The following UGP2 variants were observed in gnomAD, a reference collection of about 807,000 sequenced individuals.
The protein encoded by UGP2 is UTP--glucose-1-phosphate uridylyltransferase.
UGP2 carries 40 observed loss-of-function variants against 49.0 expected under a neutral mutation model. The observed-to-expected ratio is 0.82, with a 90% CI of 0.63 to 1.06. UGP2 has a LOEUF of 1.06. UGP2 is among the 50% of genes least tolerant of loss of function. UGP2 has a pLI of 0.00. For missense variants in UGP2, 460 were observed against 603.5 expected (o/e 0.76, Z 2.49); for synonymous variants, 225 against 213.0 (o/e 1.06, Z -0.49).
In UGP2 at chr2:63,856,292, GTT is replaced by G. The variant is rs1669411538; in HGVS notation, c.20-10_20-9del. The G allele has an allele frequency of 3.1e-6, 5 of 1,608,192 alleles. No homozygotes were observed. The highest frequency in any genetic ancestry group is 4.2e-6 in the Non-Finnish European group (5 of 1,178,100). On this transcript the variant is annotated splice_polypyrimidine_tract_variant and intron_variant, in intron 1 of 9. Coordinates refer to ENST00000337130, the MANE Select transcript of UGP2 (RefSeq NM_006759.4). ...TGGAGTTTTCAGTTGGTGGTTTTAT[GTT>G]TTTGTTTTAAGATCTTAGCAAAGCA...
intron 5 of UGP2, among the ~76,000 whole-genome samples, chr2:63,884,404 A>G (rs968587029): frequency 6.6e-5 from 10 of 152,168 alleles, no homozygotes; most frequent in African/African-American, 2.4e-4. Flanking sequence ...ATCTTTTTAT[A>G]TTCCTACATT....
At chr2:63,855,537 T>TTTG in intron 1 of UGP2, 1 of 294,416 alleles carries the variant, frequency 3.4e-6, no homozygotes, top group Non-Finnish European at 6.8e-6. Flanking sequence ...TTTTTTTTTT[T>TTTG]TTTTCTCTTT....
chr2:63,864,041 GAAGCAAAGCTTTA>G (rs1394501865), intron 3 of UGP2, among the ~76,000 whole-genome samples: 1 of 152,174 alleles, frequency 6.6e-6, no homozygotes, highest in Non-Finnish European at 1.5e-5. Flanking sequence ...GGTTTTTAAT[GAAGCAAAGCTTTA>G]AGCATTTTTC....
intron 1 of UGP2, chr2:63,855,520 G>GGTTTTTTT (rs1669336087): frequency 5.3e-6 from 1 of 187,728 alleles, no homozygotes; most frequent in African/African-American, 3.2e-5. Context: ...TTCTTTTTCT[G>GGTTTTTTT]TTTTTTTTTT....
chr2:63,851,703 G>C (rs1161903177), intron 1 of UGP2, among the ~76,000 whole-genome samples: 1 of 152,132 alleles, frequency 6.6e-6, no homozygotes. Context: ...CTTATAGTTA[G>C]GATGCTTTTA....
At chr2:63,872,305 G>T (rs921827107) in intron 3 of UGP2, among the ~76,000 whole-genome samples, 2 of 152,186 alleles carry the variant, frequency 1.3e-5, no homozygotes, top group Admixed American at 6.5e-5. Context: ...CCAATTAATT[G>T]TAAGAACCTA....
intron 1 of UGP2, among the ~76,000 whole-genome samples, chr2:63,843,387 T>G (rs1325593849): frequency 6.6e-6 from 1 of 152,368 alleles, no homozygotes; most frequent in East Asian, 1.9e-4. Context: ...GTAAATGTCT[T>G]ATTCAAGAAT....
intron 2 of UGP2, chr2:63,857,494 G>T: frequency 2.4e-6 from 1 of 408,652 alleles, no homozygotes. Context: ...CCCCGAGTAG[G>T]TGAGACTACA....
chr2:63,887,256 C>T (rs1671745955), intron 7 of UGP2, 146 bp from the exon 8 acceptor site: 1 of 1,087,626 alleles, frequency 9.2e-7, no homozygotes, highest in East Asian at 2.5e-5. Flanking sequence ...CAGATCAAGA[C>T]TCCTTCTCAA....
intron 1 of UGP2, among the ~76,000 whole-genome samples, chr2:63,844,158 T>C (rs775292572): frequency 4.6e-5 from 7 of 152,242 alleles, no homozygotes; most frequent in Non-Finnish European, 8.8e-5. Flanking sequence ...ATGAATGTGC[T>C]CCTGTTTATC....
chr2:63,856,532 C>G (rs1033743350), intron 2 of UGP2, 99 bp downstream of exon 2: 11 of 1,357,632 alleles, frequency 8.1e-6, no homozygotes, highest in Non-Finnish European at 1.1e-5. Flanking sequence ...CACCTCAAAT[C>G]AGCACAAGAT....
intron 1 of UGP2, among the ~76,000 whole-genome samples, chr2:63,852,829 G>T (rs180778923): frequency 6.6e-6 from 1 of 152,294 alleles, no homozygotes; most frequent in Non-Finnish European, 1.5e-5. Flanking sequence ...TGACTGTGAG[G>T]TATAAACCTT....
In UGP2 at chr2:63,847,234, G is replaced by A. The variant is rs548197641; in HGVS notation, c.19+5030G>A. Among the ~76,000 whole-genome samples, 3 of 152,232 alleles carry A rather than the reference G, an allele frequency of 2.0e-5. No homozygotes were observed. The South Asian group carries it at 6.2e-4, about 32-fold the overall frequency. Reference sequence around the variant, plus strand: ...AATGACCTTAAAAGGAAATTCAGGTGTTATTTTAGTCCATAGGTATTTTCT... The same window carrying A: ...AATGACCTTAAAAGGAAATTCAGGTATTATTTTAGTCCATAGGTATTTTCT... On this transcript the variant is annotated intron_variant, in intron 1 of 9. Coordinates refer to ENST00000337130, the MANE Select transcript of UGP2 (RefSeq NM_006759.4).
chr2:63,891,003 A>G, intron 9 of UGP2, 117 bp from the exon 10 acceptor site: 1 of 658,850 alleles, frequency 1.5e-6, no homozygotes, highest in East Asian at 3.0e-5. Context: ...AATATTGTTT[A>G]TAAAAAAAGT....
At chr2:63,841,785 C>T (rs930176575), upstream of UGP2, 4 of 163,588 alleles carry the variant, frequency 2.4e-5, no homozygotes, top group Non-Finnish European at 5.3e-5. Context: ...CTGCCAGTGC[C>T]TCCTGCAGTA....
chr2:63,871,169 C>G (rs1670523326), intron 3 of UGP2, among the ~76,000 whole-genome samples: 1 of 152,160 alleles, frequency 6.6e-6, no homozygotes, highest in South Asian at 2.1e-4. Context: ...AAAACTGAGA[C>G]TCTGTAGCAT....
At chr2:63,869,029 G>T (rs969834411) in intron 3 of UGP2, among the ~76,000 whole-genome samples, 8 of 151,866 alleles carry the variant, frequency 5.3e-5, no homozygotes, top group Non-Finnish European at 2.9e-5. Context: ...TGGTCCAACA[G>T]CTGTTTTTTG....
chr2:63,860,762 A>T lies in UGP2; in HGVS notation c.255+2826A>T, dbSNP rs1260074524. 1.9e-4 allele frequency among the ~76,000 whole-genome samples: 23 copies of T among 123,682 alleles called. No homozygotes were observed. In the South Asian group the frequency reaches 5.6e-3, roughly 30 times the overall value. The allele number at this position is 123,682 out of a possible 152,430, so 81.1% of individuals were successfully genotyped here. On this transcript the variant is annotated intron_variant, in intron 3 of 9. Coordinates refer to ENST00000337130, the MANE Select transcript of UGP2 (RefSeq NM_006759.4). ...GGCATTGTGCCACCAGGCCCAGCTA[A>T]TTTTTTTTTTTTTTTTTTTTTTGTA...
chr2:63,842,430 G>A, intron 1 of UGP2: 1 of 1,562,094 alleles, frequency 6.4e-7, no homozygotes, highest in South Asian at 1.1e-5. Flanking sequence ...TTGCCTCCCT[G>A]AAATCAGGTT....
Sources: gnomAD v4.1 joint callset for allele counts (sites outside exome capture counted in the v4.1 genomes callset) on GRCh38, gnomAD v4.1.1 for gene constraint, MANE v1.5 for transcripts, NCBI Gene and HGNC (gene_info 2026-07-23, HGNC 2026-07-21) for gene names.